RTEL1: variants seen among roughly 807,000 people sequenced by gnomAD.
The protein encoded by RTEL1 is regulator of telomere elongation helicase 1, also known as regulator of telomere length.
RTEL1 carries 86 observed loss-of-function variants against 162.2 expected under a neutral mutation model. The ratio of observed to expected loss-of-function variants is 0.53; its 90% CI spans 0.45 to 0.63. The LOEUF (loss-of-function observed/expected upper bound fraction) is 0.63. RTEL1 is among the 30% of genes least tolerant of loss of function. The pLI is 0.00. For synonymous variants in RTEL1, 958 were observed against 717.9 expected (o/e 1.33, Z -5.35); for missense variants, 1,941 against 1,750.2 (o/e 1.11, Z -1.95).
Position 63,662,842 on chromosome 20 carries a change from G to C in RTEL1, c.491G>C (p.Arg164Pro). The change falls in exon 6 of 35, where the codon CGT (arginine) becomes CCT (proline). Residue 164 changes from arginine (R) to proline (P), a missense_variant. Arg to Pro is a moderately radical substitution (Grantham distance 103). Transcript: ENST00000360203. ...TTCCTCCCACAGATCCACTTGTGCC[G>C]TAAGAAGGTGGCAAGTCGCTCCTGT... ...ESNHLQIHLC[R>P]KKVASRSCHF... The C allele has an allele frequency of 6.2e-7, 1 of 1,613,962 alleles. No individual in the cohort carries two copies. Among genetic ancestry groups the C allele is most frequent in the Non-Finnish European group, 8.5e-7 (1 of 1,180,036 alleles).
rs772031890 is a variant in RTEL1 at position 63,693,244 on chromosome 20, C to A, written c.2953C>A (p.Pro985Thr). ...GCGYRPEHSI[P>T]RRQRAQPVLD... Reference sequence around the variant, plus strand: ...TGGCTATCGGCCTGAGCACAGCATTCCCCGAAGGCAGCGGGCACAGCCGGT... The same window carrying A: ...TGGCTATCGGCCTGAGCACAGCATTACCCGAAGGCAGCGGGCACAGCCGGT... The change falls in exon 30 of 35, where the codon CCC becomes ACC. Residue 985 changes from proline (P) to threonine (T), a missense_variant. By Grantham distance (38) the Pro-to-Thr change is conservative. Transcript: ENST00000360203. 3 of 1,612,006 alleles carry A rather than the reference C, an allele frequency of 1.9e-6. No individual in the cohort carries two copies. The highest frequency in any genetic ancestry group is 1.1e-5 in the South Asian group (1 of 91,092).
chr20:63,689,862 A>G lies in RTEL1; in HGVS notation c.2138A>G (p.His713Arg). ...TACGGAGCTGTCTTCCTCTGTGACC[A>G]CAGGTGCGTGCAGTCCGGTGGCAGG... ...QDYGAVFLCD[H>R]RFAFADARAQ... The change falls in exon 24 of 35, where the codon CAC (histidine) becomes CGC (arginine). Residue 713 changes from histidine (H) to arginine (R), a missense_variant. By Grantham distance (29) the His-to-Arg change is conservative (BLOSUM62 0). Coordinates refer to ENST00000360203, the MANE Select transcript of RTEL1 (RefSeq NM_001283009.2). 1 of 1,607,930 alleles carries G rather than the reference A, an allele frequency of 6.2e-7. No individual in the cohort carries two copies.
intron 28 of RTEL1, 103 bp from the exon 29 acceptor site, chr20:63,692,702 T>G: frequency 8.7e-7 from 1 of 1,151,458 alleles, no homozygotes; most frequent in African/African-American, 1.5e-5. Flanking sequence ...ACCTCGGCAG[T>G]CACTGTCCCA....
intron 28 of RTEL1, 68 bp from the exon 29 acceptor site, chr20:63,692,737 G>C (rs896694858): frequency 6.8e-7 from 1 of 1,465,228 alleles, no homozygotes; most frequent in African/African-American, 1.4e-5. Flanking sequence ...TTCCAAGGAA[G>C]GCTCTGCAGC....
chr20:63,687,854 C>G, intron 17 of RTEL1, 83 bp from the exon 18 acceptor site: 1 of 1,565,798 alleles, frequency 6.4e-7, no homozygotes, highest in Non-Finnish European at 8.7e-7. Context: ...CCCCATGAGC[C>G]GGGTGCTGGG....
At chr20:63,686,023 C>G in intron 16 of RTEL1, 151 bp downstream of exon 16, 1 of 692,406 alleles carries the variant, frequency 1.4e-6, no homozygotes, top group South Asian at 1.7e-5. Context: ...GAGCATTCTC[C>G]TCACTGTCCC....
chr20:63,666,939 A>G (rs991358199), intron 7 of RTEL1, among the ~76,000 whole-genome samples: 8 of 145,802 alleles, frequency 5.5e-5, no homozygotes, highest in South Asian at 2.1e-4. Flanking sequence ...TCCCGAGTTC[A>G]CGCCATTCTC....
chr20:63,688,431 T>A (rs763102038), intron 20 of RTEL1, 45 bp downstream of exon 20: 4 of 1,606,972 alleles, frequency 2.5e-6, no homozygotes, highest in Non-Finnish European at 3.4e-6. Flanking sequence ...AGGGCAGGGC[T>A]GGAGCATGAA....
rs746586416 is a variant in RTEL1 at position 63,688,623 on chromosome 20, G to T, written c.1800+18G>T. 3.1e-6 allele frequency: 5 copies of T among 1,594,310 alleles called. No individual in the cohort carries two copies. Among genetic ancestry groups the T allele is most frequent in the South Asian group, 2.3e-5 (2 of 88,618 alleles). ...TCTCCGAGGTCGGCACTTGGCCGGG[G>T]CTCTGGGCCTGCTGCCCCCTCGTGC... On this transcript the variant is annotated intron_variant, in intron 21 of 34. Coordinates refer to ENST00000360203, the MANE Select transcript of RTEL1 (RefSeq NM_001283009.2).
At chr20:63,692,746 G>A in intron 28 of RTEL1, 59 bp from the exon 29 acceptor site, 2 of 1,519,930 alleles carry the variant, frequency 1.3e-6, no homozygotes, top group South Asian at 2.3e-5. Flanking sequence ...AGGCTCTGCA[G>A]CCCCAGGGAC....
chr20:63,682,701 A>G (rs75031349), intron 14 of RTEL1: 81,587 of 985,612 alleles, frequency 0.083, 3,969 homozygotes, highest in South Asian at 0.25. Flanking sequence ...TTGGGCCTGC[A>G]GCCCTGAGTC....
In RTEL1 at chr20:63,689,866, G is replaced by T. The variant is rs1281899571; in HGVS notation, c.2141+1G>T. ...GAGCTGTCTTCCTCTGTGACCACAG[G>T]TGCGTGCAGTCCGGTGGCAGGCGCG... is the stretch of plus-strand genomic sequence containing the variant. On this transcript the variant is annotated splice_donor_variant, in intron 24 of 34. Transcript: ENST00000360203. LOFTEE classifies it high-confidence loss of function. 1.2e-6 allele frequency: 2 copies of T among 1,606,762 alleles called. No individual in the cohort carries two copies. The highest frequency in any genetic ancestry group is 8.5e-7 in the Non-Finnish European group (1 of 1,179,036).
At chr20:63,659,113 T>C (rs1320134932) in intron 1 of RTEL1, 120 bp from the exon 2 acceptor site, 2 of 371,022 alleles carry the variant, frequency 5.4e-6, no homozygotes, top group Non-Finnish European at 1.0e-5. Flanking sequence ...CTCCTCGAGA[T>C]GGGATATACC....
In RTEL1 at chr20:63,688,129, C is replaced by T. The variant is rs779650280; in HGVS notation, c.1596-10C>T. The T allele has an allele frequency of 1.9e-6, 3 of 1,612,406 alleles. No homozygotes were observed. The African/African-American group carries it at 4.0e-5, about 22-fold the overall frequency. ...CCTGAGGTCCTGAGCAGTGGCCTCT[C>T]CGGCTCTAGGTTTTCCGAGGAGTGC... On this transcript the variant is annotated splice_polypyrimidine_tract_variant and intron_variant, in intron 18 of 34. Coordinates refer to ENST00000360203, the MANE Select transcript of RTEL1 (RefSeq NM_001283009.2).
At chr20:63,693,854 C>G (rs559290609) in intron 30 of RTEL1, among the ~76,000 whole-genome samples, 3 of 149,004 alleles carry the variant, frequency 2.0e-5, no homozygotes, top group Non-Finnish European at 4.5e-5. Context: ...AAGCACAGCC[C>G]TGTCCAACTG....
Position 63,661,405 on chromosome 20 carries a change from C to A in RTEL1, c.210C>A (p.Arg70=). The change falls in exon 3 of 35, where the codon CGC becomes CGA. Residue 70 remains arginine, a synonymous_variant. Transcript: ENST00000360203. The surrounding 1 kb of genome is among the most constrained non-coding windows in gnomAD (Gnocchi z 5.1). The stretch of plus-strand genomic sequence containing the variant: ...ACCTCCGAGACGGCATCTCTGCCCG[C>A]AAGATTGCCGAGAGGGCGCAAGGAG... The part of the protein sequence containing the change: ...REHLRDGISA[R]KIAERAQGEL... 1 of 1,614,020 alleles carries A rather than the reference C, an allele frequency of 6.2e-7. No individual in the cohort carries two copies. Among genetic ancestry groups the A allele is most frequent in the Non-Finnish European group, 8.5e-7 (1 of 1,180,042 alleles).
At chr20:63,667,621 G>A (rs2090162746) in intron 8 of RTEL1, 68 bp downstream of exon 8, 6 of 1,299,080 alleles carry the variant, frequency 4.6e-6, no homozygotes, top group Non-Finnish European at 6.7e-6. Context: ...GGGAACAGCT[G>A]TCCGAGCCTT....
chr20:63,662,796 C>T (rs758053850), intron 5 of RTEL1, 33 bp from the exon 6 acceptor site: 1 of 1,612,778 alleles, frequency 6.2e-7, no homozygotes, highest in Non-Finnish European at 8.5e-7. Context: ...CTTGGCCGTG[C>T]TTCAGCTGCG....
chr20:63,692,987 G>C lies in RTEL1; in HGVS notation c.2835G>C (p.Lys945Asn). 1 of 1,612,560 alleles carries C rather than the reference G, an allele frequency of 6.2e-7. No homozygotes were observed. Among genetic ancestry groups the C allele is most frequent in the Non-Finnish European group, 8.5e-7 (1 of 1,179,802 alleles). Residue 945 changes from lysine (K) to asparagine (N), a missense_variant, in exon 29 of 35, where the codon AAG (lysine) becomes AAC (asparagine). By Grantham distance (94) the Lys-to-Asn change is moderately conservative (BLOSUM62 0). Coordinates refer to ENST00000360203, the MANE Select transcript of RTEL1 (RefSeq NM_001283009.2). ...CCCTCTTTGCTGAGGACCCCAAGAAGCACAACCTGCTCCAAGGTGCCCTGG... is the reference window on the plus strand; with the variant it reads ...CCCTCTTTGCTGAGGACCCCAAGAACCACAACCTGCTCCAAGGTGCCCTGG... Reference protein sequence around the residue: ...LGPLFAEDPKKHNLLQGFYQF... With the variant: ...LGPLFAEDPKNHNLLQGFYQF...
Sources: allele counts gnomAD v4.1 joint callset (sites outside exome capture counted in the v4.1 genomes callset), GRCh38; gene constraint gnomAD v4.1.1; non-coding constraint Gnocchi (gnomAD v3.1); transcripts MANE v1.5; gene names NCBI Gene and HGNC (gene_info 2026-07-23, HGNC 2026-07-21).